The following LARGE1 variants were observed in gnomAD, a reference collection of about 807,000 sequenced individuals.
The protein encoded by LARGE1 is xylosyl- and glucuronyltransferase LARGE1.
In LARGE1, 43 loss-of-function variants were observed where a neutral mutation model predicts 87.6. The ratio of observed to expected loss-of-function variants is 0.49; its 90% CI spans 0.38 to 0.63. LARGE1 has a LOEUF of 0.63. Ranked by LOEUF, LARGE1 falls within the 30% of genes least tolerant of loss-of-function variation. The probability of loss-of-function intolerance (pLI) is 0.00; values close to 1 mark genes in which losing one functional copy is unlikely to be tolerated. For synonymous variants in LARGE1, 434 were observed against 394.6 expected, an observed-to-expected ratio of 1.10 and a Z score of -1.18; for missense variants, 802 against 1,000.2, an observed-to-expected ratio of 0.80 and a Z score of 2.67.
chr22:33,255,172 A>C (rs1927199840), intron 11 of LARGE1, among the ~76,000 whole-genome samples: 1 of 152,162 alleles, frequency 6.6e-6, no homozygotes, highest in African/African-American at 2.4e-5. Flanking sequence ...TCCTGACCTC[A>C]AGTGATCCGC....
intron 7 of LARGE1, among the ~76,000 whole-genome samples, chr22:33,397,085 C>T (rs981217635): frequency 6.6e-6 from 1 of 152,048 alleles, no homozygotes; most frequent in African/African-American, 2.4e-5. Context: ...AGTCAAAAAC[C>T]TACCCAATAT....
intron 1 of LARGE1, among the ~76,000 whole-genome samples, chr22:33,774,964 C>T (rs902199311): frequency 3.9e-5 from 6 of 152,092 alleles, no homozygotes; most frequent in Non-Finnish European, 8.8e-5. Context: ...TGCCGTAATA[C>T]AGGCTGGATA....
At chr22:33,644,216 A>C (rs1360448846) in intron 3 of LARGE1, among the ~76,000 whole-genome samples, 2 of 152,194 alleles carry the variant, frequency 1.3e-5, no homozygotes, top group African/African-American at 4.8e-5. Flanking sequence ...ATCCACCACT[A>C]TCAAGTTGGA....
At chr22:33,294,383 A>C (rs1329634086) in intron 12 of LARGE1, among the ~76,000 whole-genome samples, 1 of 152,184 alleles carries the variant, frequency 6.6e-6, no homozygotes, top group Non-Finnish European at 1.5e-5. Flanking sequence ...CTGTTTAATC[A>C]AACCTGAGTC....
intron 6 of LARGE1, among the ~76,000 whole-genome samples, chr22:33,463,516 C>A (rs138230873): frequency 6.6e-6 from 1 of 152,170 alleles, no homozygotes; most frequent in East Asian, 1.9e-4. Flanking sequence ...ATCACACATA[C>A]AACAATTCTC....
At chr22:33,181,779 C>T (rs137374) in intron 11 of LARGE1, among the ~76,000 whole-genome samples, 62,754 of 148,706 alleles carry the variant, frequency 0.42, 13,588 homozygotes, top group Middle Eastern at 0.48. Context: ...CCGCCCACAT[C>T]GGCCTCTCAA....
chr22:33,124,883 C>T, the LARGE1 span, among the ~76,000 whole-genome samples: 2 of 152,202 alleles, frequency 1.3e-5, no homozygotes, highest in Non-Finnish European at 2.9e-5. Context: ...AAGAAAGCAG[C>T]TTTACTGAAG....
At chr22:33,527,403 A>G (rs1207021813) in intron 6 of LARGE1, among the ~76,000 whole-genome samples, 1 of 152,212 alleles carries the variant, frequency 6.6e-6, no homozygotes, top group Non-Finnish European at 1.5e-5. Flanking sequence ...GAAGGAGCTC[A>G]AAGGGCCAGT....
At chr22:33,449,417 T>C (rs1273449028) in intron 6 of LARGE1, among the ~76,000 whole-genome samples, 1 of 152,186 alleles carries the variant, frequency 6.6e-6, no homozygotes, top group Admixed American at 6.5e-5. Context: ...TGTGGTATTG[T>C]ATTAATATAA....
intron 1 of LARGE1, chr22:33,856,602 C>T (rs1473056256): frequency 1.3e-5 from 2 of 152,222 alleles, no homozygotes; most frequent in African/African-American, 2.4e-5. Context: ...AAGCCCTAGG[C>T]TGGTGCGTCT....
At chr22:33,864,205 G>C (rs116976128) in intron 1 of LARGE1, among the ~76,000 whole-genome samples, 1 of 152,298 alleles carries the variant, frequency 6.6e-6, no homozygotes, top group Non-Finnish European at 1.5e-5. Flanking sequence ...GTTCCTTGTA[G>C]GTTTAAGGGG....
chr22:33,413,519 C>T (rs2066384360), intron 7 of LARGE1, among the ~76,000 whole-genome samples: 1 of 151,934 alleles, frequency 6.6e-6, no homozygotes, highest in South Asian at 2.1e-4. Context: ...GACTGGAGTG[C>T]AGTGGCGAGA....
In LARGE1 at chr22:33,632,564, C is replaced by T. The variant is rs1250938241; in HGVS notation, c.409-6238G>A. ...TGTCAGGGGCCCAATCACACAAGTTCCAGTCCTTGCTGGGTTTCTTAACAC... is the reference window on the plus strand; with the variant it reads ...TGTCAGGGGCCCAATCACACAAGTTTCAGTCCTTGCTGGGTTTCTTAACAC... On this transcript the variant is annotated intron_variant, in intron 3 of 14. Coordinates refer to ENST00000397394, the MANE Select transcript of LARGE1 (RefSeq NM_133642.5). 2.0e-5 allele frequency among the ~76,000 whole-genome samples: 3 copies of T among 152,102 alleles called. No homozygotes were observed. In the East Asian group the frequency reaches 5.8e-4, roughly 29 times the overall value.
intron 11 of LARGE1, among the ~76,000 whole-genome samples, chr22:33,177,767 T>C (rs935055560): frequency 2.6e-5 from 4 of 152,200 alleles, no homozygotes; most frequent in African/African-American, 7.2e-5. Context: ...TCTCACTTGA[T>C]ATGGTTTGAC....
In LARGE1 at chr22:33,748,610, C is replaced by T. The variant is rs550909047; in HGVS notation, c.106+12761G>A. On this transcript the variant is annotated intron_variant, in intron 2 of 14. Transcript: ENST00000397394. ...ATTTGCGGTAAGAGAGGTTAAGTGA[C>T]TCAATGTGGACACACAGCATTTAAA... Among the ~76,000 whole-genome samples, 4 of 152,322 alleles carry T rather than the reference C, an allele frequency of 2.6e-5. No individual in the cohort carries two copies. The East Asian group carries it at 7.7e-4, about 29-fold the overall frequency.
intron 6 of LARGE1, among the ~76,000 whole-genome samples, chr22:33,518,459 C>T (rs1474332758): frequency 6.6e-6 from 1 of 152,238 alleles, no homozygotes; most frequent in Non-Finnish European, 1.5e-5. Flanking sequence ...AAGGCACATG[C>T]CACCATGCCT....
the LARGE1 span, among the ~76,000 whole-genome samples, chr22:33,122,484 G>A: frequency 2.6e-5 from 4 of 151,094 alleles, no homozygotes; most frequent in African/African-American, 9.7e-5. Context: ...TCAGCCTCCT[G>A]AATAGCTGGG....
At chr22:33,431,528 G>C (rs1351627749) in intron 7 of LARGE1, among the ~76,000 whole-genome samples, 1 of 151,972 alleles carries the variant, frequency 6.6e-6, no homozygotes, top group African/African-American at 2.4e-5. Context: ...GTGCTGATTA[G>C]CAAATATATC....
At chr22:33,698,096 TCTCA>T (rs1408624248) in intron 2 of LARGE1, among the ~76,000 whole-genome samples, 1 of 152,098 alleles carries the variant, frequency 6.6e-6, no homozygotes, top group Non-Finnish European at 1.5e-5. Context: ...TAAGATGGAG[TCTCA>T]CTCACTCTGT....
Sources: allele counts gnomAD v4.1 joint callset (sites outside exome capture counted in the v4.1 genomes callset), GRCh38; gene constraint gnomAD v4.1.1; transcripts MANE v1.5; gene names NCBI Gene and HGNC (gene_info 2026-07-23, HGNC 2026-07-21).